Variants in C2CD2 observed in about 807,000 individuals in gnomAD.
C2CD2 encodes C2 domain-containing protein 2.
C2CD2 carries 43 observed loss-of-function variants against 74.3 expected under a neutral mutation model. The ratio of observed to expected loss-of-function variants is 0.58; its 90% CI spans 0.45 to 0.75. C2CD2 has a LOEUF of 0.75. C2CD2 is among the 30% of genes least tolerant of loss of function. The pLI is 0.00. For missense variants in C2CD2, 801 were observed against 916.3 expected (o/e 0.87, Z 1.63); for synonymous variants, 422 against 390.7 (o/e 1.08, Z -0.94).
chr21:41,904,202 G>A (rs1045555936), intron 11 of C2CD2, among the ~76,000 whole-genome samples: 8 of 152,142 alleles, frequency 5.3e-5, no homozygotes, highest in African/African-American at 1.2e-4. Flanking sequence ...TGAGGATAAC[G>A]CATTAGCATG....
intron 13 of C2CD2, among the ~76,000 whole-genome samples, chr21:41,898,593 C>T (rs1332985541): frequency 1.3e-5 from 2 of 152,188 alleles, no homozygotes; most frequent in Non-Finnish European, 2.9e-5. Context: ...CCCTGTAGAG[C>T]CTCCTAGGGT....
chr21:41,889,551 G>C (rs551642925), intron 13 of C2CD2, among the ~76,000 whole-genome samples: 45 of 152,236 alleles, frequency 3.0e-4, no homozygotes, highest in African/African-American at 9.9e-4. Flanking sequence ...AAAAGGAAAC[G>C]AGATTATAAC....
At chr21:41,941,666 C>T (rs1295404100) in intron 2 of C2CD2, among the ~76,000 whole-genome samples, 1 of 152,138 alleles carries the variant, frequency 6.6e-6, no homozygotes, top group African/African-American at 2.4e-5. Flanking sequence ...TAAATATATT[C>T]GCAGAGTTCT....
intron 11 of C2CD2, among the ~76,000 whole-genome samples, chr21:41,904,249 A>T (rs1006938867): frequency 5.9e-5 from 9 of 152,210 alleles, no homozygotes; most frequent in Non-Finnish European, 1.0e-4. Context: ...GACAGTTTGC[A>T]ACTGCCATGG....
At chr21:41,927,919 C>T (rs1487275535) in intron 2 of C2CD2, among the ~76,000 whole-genome samples, 1 of 152,158 alleles carries the variant, frequency 6.6e-6, no homozygotes, top group African/African-American at 2.4e-5. Context: ...ACTCCAACCC[C>T]GCCCCCAGCA....
chr21:41,952,651 G>A (rs1461873588), intron 1 of C2CD2, among the ~76,000 whole-genome samples: 1 of 152,268 alleles, frequency 6.6e-6, no homozygotes, highest in African/African-American at 2.4e-5. Context: ...ACAGGACTGT[G>A]AGGCAGCAGA....
At chr21:41,946,935 A>G (rs1288676320) in intron 1 of C2CD2, among the ~76,000 whole-genome samples, 1 of 152,112 alleles carries the variant, frequency 6.6e-6, no homozygotes, top group Non-Finnish European at 1.5e-5. Flanking sequence ...AGAAACCCTG[A>G]CAGACTGCAG....
chr21:41,898,807 T>A (rs905597485), intron 13 of C2CD2, among the ~76,000 whole-genome samples: 6 of 152,300 alleles, frequency 3.9e-5, no homozygotes, highest in African/African-American at 1.4e-4. Context: ...AAGGGGCCTC[T>A]ATGCATGGAC....
At chr21:41,914,294 TAA>T (rs72131335) in intron 6 of C2CD2, among the ~76,000 whole-genome samples, 1,449 of 134,794 alleles carry the variant, frequency 0.011, 22 homozygotes, top group African/African-American at 0.03. Context: ...GTTCAACAGT[TAA>T]AAAAAAAAAA....
At chr21:41,904,861 G>A (rs577403500) in intron 11 of C2CD2, among the ~76,000 whole-genome samples, 13 of 152,300 alleles carry the variant, frequency 8.5e-5, no homozygotes, top group African/African-American at 3.1e-4. Flanking sequence ...GTCACGAGGA[G>A]GCAAAGGGAG....
intron 5 of C2CD2, among the ~76,000 whole-genome samples, chr21:41,916,901 T>C (rs193039956): frequency 7.4e-4 from 112 of 152,348 alleles, no homozygotes; most frequent in African/African-American, 2.3e-3. Flanking sequence ...TAAAAGTTGA[T>C]TGTCACATTC....
chr21:41,889,882 CT>C (rs2064730315), intron 13 of C2CD2, among the ~76,000 whole-genome samples: 2 of 152,246 alleles, frequency 1.3e-5, no homozygotes, highest in Middle Eastern at 3.4e-3. Flanking sequence ...TGATCCACCC[CT>C]CCCTCAGCCT....
Position 41,909,454 on chromosome 21 carries a change from C to A in C2CD2, c.1018+5G>T, listed in dbSNP as rs1459904264. On this transcript the variant is annotated splice_donor_5th_base_variant and intron_variant, in intron 8 of 13. Transcript: ENST00000380486. ...GCGAGGCCTCTGTCCTCCTGCTCAA[C>A]CCACCTTCTGAGGATCGCCCAGCCT... The A allele has an allele frequency of 6.2e-7, 1 of 1,609,644 alleles. No homozygotes were observed. The highest frequency in any genetic ancestry group is 8.5e-7 in the Non-Finnish European group (1 of 1,175,908).
At chr21:41,948,389 G>A (rs1024268851) in intron 1 of C2CD2, among the ~76,000 whole-genome samples, 16 of 152,224 alleles carry the variant, frequency 1.1e-4, no homozygotes, top group Non-Finnish European at 1.8e-4. Flanking sequence ...CGGGGGGGTC[G>A]GGAGGAGGGC....
At position 41,929,389 on chromosome 21, in the gene C2CD2, G is replaced by A. The variant is rs150058545; in HGVS notation, c.379-7304C>T. Reference sequence around the variant, plus strand: ...ACCTGATGCCATCACATGCCACAACGTGTGCCATGCGGGGTACTGCACGGG... The same window carrying A: ...ACCTGATGCCATCACATGCCACAACATGTGCCATGCGGGGTACTGCACGGG... On this transcript the variant is annotated intron_variant, in intron 2 of 13. Coordinates refer to ENST00000380486, the MANE Select transcript of C2CD2 (RefSeq NM_015500.2). The surrounding 1 kb of genome is among the most constrained non-coding windows in gnomAD (Gnocchi z 4.6). Among the ~76,000 whole-genome samples, 20 of 152,284 alleles carry A rather than the reference G, an allele frequency of 1.3e-4. 1 individual carries two copies. Among genetic ancestry groups the A allele is most frequent in the South Asian group, 4.1e-4 (2 of 4,824 alleles).
intron 13 of C2CD2, among the ~76,000 whole-genome samples, chr21:41,891,785 TA>T (rs1270372903): frequency 1.3e-5 from 2 of 151,910 alleles, no homozygotes; most frequent in African/African-American, 4.8e-5. Flanking sequence ...AATGGAGGCC[TA>T]GGGGGAGGGA....
chr21:41,890,445 G>C (rs1483621512), intron 13 of C2CD2, among the ~76,000 whole-genome samples: 2 of 152,222 alleles, frequency 1.3e-5, no homozygotes, highest in Non-Finnish European at 2.9e-5. Flanking sequence ...AGCTAATGTA[G>C]TGGGTGCAAG....
In C2CD2 at chr21:41,907,181, C is replaced by G; in HGVS notation, c.1144-15G>C. 6.2e-7 allele frequency: 1 copy of G among 1,612,046 alleles called. No homozygotes were observed. The highest frequency in any genetic ancestry group is 8.5e-7 in the Non-Finnish European group (1 of 1,178,196). On this transcript the variant is annotated splice_polypyrimidine_tract_variant and intron_variant, in intron 9 of 13. Coordinates refer to ENST00000380486, the MANE Select transcript of C2CD2 (RefSeq NM_015500.2). Reference sequence around the variant, plus strand: ...ATGTAAGAGAACTGCAGAGAAGACGCGTTACTTGTTTCTGGTTTTGTGGAA... The same window carrying G: ...ATGTAAGAGAACTGCAGAGAAGACGGGTTACTTGTTTCTGGTTTTGTGGAA...
intron 3 of C2CD2, among the ~76,000 whole-genome samples, chr21:41,919,257 T>G (rs921579811): frequency 2.0e-5 from 3 of 152,240 alleles, no homozygotes; most frequent in African/African-American, 7.2e-5. Flanking sequence ...CCTGTGTGTA[T>G]GTGTGCGCAT....
Sources: gnomAD v4.1 joint callset for allele counts (sites outside exome capture counted in the v4.1 genomes callset) on GRCh38, gnomAD v4.1.1 for gene constraint, Gnocchi (gnomAD v3.1) non-coding constraint, MANE v1.5 for transcripts, NCBI Gene and HGNC (gene_info 2026-07-23, HGNC 2026-07-21) for gene names.